The following HPF1 variants were observed in gnomAD, a reference collection of about 807,000 sequenced individuals.
The protein encoded by HPF1 is histone PARylation factor 1.
In HPF1, 35 loss-of-function variants were observed where a neutral mutation model predicts 38.8. The observed-to-expected ratio is 0.90, with a 90% CI of 0.69 to 1.19. HPF1 has a LOEUF of 1.19. HPF1 is among the 50% of genes most tolerant of loss of function. The pLI, the probability that HPF1 is intolerant of heterozygous loss-of-function variation, is 0.00. For missense variants in HPF1, 367 were observed against 405.8 expected (o/e 0.90, Z 0.82); for synonymous variants, 115 against 139.2 (o/e 0.83, Z 1.22).
chr4:169,745,832 T>C (rs1379685581), intron 4 of HPF1, among the ~76,000 whole-genome samples: 1 of 152,200 alleles, frequency 6.6e-6, no homozygotes, highest in East Asian at 1.9e-4. Context: ...CTGTGAATAA[T>C]GCAATGACTG....
intron 5 of HPF1, 127 bp downstream of exon 5, chr4:169,741,830 C>T (rs1411323735): frequency 1.3e-6 from 1 of 757,726 alleles, no homozygotes; most frequent in Non-Finnish European, 2.1e-6. Context: ...CCTAACATCC[C>T]TAAGGGACAG....
chr4:169,737,606 C>G (rs1733914476), intron 6 of HPF1, 54 bp downstream of exon 6: 1 of 1,140,668 alleles, frequency 8.8e-7, no homozygotes, highest in East Asian at 2.3e-5. Context: ...ATAAGCAAAA[C>G]CTTTATTCAT....
At position 169,748,699 on chromosome 4, in the gene HPF1, T is replaced by G. The variant is rs182083806; in HGVS notation, c.497+45A>C. The G allele has an allele frequency of 6.3e-4, 574 of 912,856 alleles. 4 individuals are homozygous for G. The East Asian group carries it at 0.013, about 21-fold the overall frequency. 56.5% of individuals were successfully genotyped at this position (912,856 alleles called of 1,614,324 possible). On this transcript the variant is annotated intron_variant, in intron 4 of 7. Transcript: ENST00000393381. The stretch of plus-strand genomic sequence containing the variant: ...TCAAACCCCCTTTGTAATGGACTAA[T>G]GTAGTATAAACATTGTAAACAAATA...
rs1364062968 is a variant in HPF1 at position 169,748,941 on chromosome 4, T to C, written c.399-99A>G. 5 of 628,882 alleles carry C rather than the reference T, an allele frequency of 8.0e-6. No homozygotes were observed. In the African/African-American group the frequency reaches 9.8e-5, roughly 12 times the overall value. 39.0% of individuals were successfully genotyped at this position (628,882 alleles called of 1,614,324 possible). ...ACAGACAACAATTTACACCTATTTT[T>C]TTTCCTTTTTGGAGGCCTTTTTTTT... On this transcript the variant is annotated intron_variant, in intron 3 of 7. Coordinates refer to ENST00000393381, the MANE Select transcript of HPF1 (RefSeq NM_017867.3).
chr4:169,737,632 T>C (rs1240892269), intron 6 of HPF1, 28 bp downstream of exon 6: 5 of 1,337,100 alleles, frequency 3.7e-6, no homozygotes, highest in Admixed American at 1.7e-5. Flanking sequence ...TTAACATATA[T>C]GCACATGTTT....
Sources: allele counts gnomAD v4.1 joint callset (sites outside exome capture counted in the v4.1 genomes callset), GRCh38; gene constraint gnomAD v4.1.1; transcripts MANE v1.5; gene names NCBI Gene and HGNC (gene_info 2026-07-23, HGNC 2026-07-21).